Variants in ERLEC1 observed in about 807,000 individuals in gnomAD.
The protein encoded by ERLEC1 is endoplasmic reticulum lectin 1.
Under a neutral mutation model 68.0 loss-of-function variants are expected in ERLEC1, and 47 were observed. That is an observed-to-expected ratio of 0.69 (90% CI 0.55 to 0.88). ERLEC1 has a LOEUF of 0.88. Among genes scored for constraint, ERLEC1 ranks in the 40% least tolerant of loss-of-function variants. ERLEC1 has a pLI of 0.00. For missense variants in ERLEC1, 567 were observed against 583.8 expected, an observed-to-expected ratio of 0.97 and a Z score of 0.30; for synonymous variants, 225 against 203.2, an observed-to-expected ratio of 1.11 and a Z score of -0.91.
chr2:53,787,351 G>T lies in ERLEC1; in HGVS notation c.141G>T (p.Trp47Cys). Residue 47 changes from tryptophan (W) to cysteine (C), a missense_variant, in exon 1 of 14, where the codon TGG (tryptophan) becomes TGT (cysteine). By Grantham distance (215) the Trp-to-Cys change is radical. Coordinates refer to ENST00000185150, the MANE Select transcript of ERLEC1 (RefSeq NM_015701.5). ...ATGACATCCCTTTCCGAGTCAACTG[G>T]CCCGGCACCGAGTTCTCTCTGGTCA... ...LSDDIPFRVN[W>C]PGTEFSLPTT... The T allele has an allele frequency of 6.2e-7, 1 of 1,611,634 alleles. No homozygotes were observed. Among genetic ancestry groups the T allele is most frequent in the South Asian group, 1.1e-5 (1 of 91,000 alleles).
chr2:53,793,381 C>T (rs1675514414), intron 1 of ERLEC1, among the ~76,000 whole-genome samples: 1 of 152,182 alleles, frequency 6.6e-6, no homozygotes, highest in Non-Finnish European at 1.5e-5. Context: ...AAACTACAGC[C>T]ATTGCGCTGT....
At chr2:53,813,134 T>C (rs573284361) in intron 11 of ERLEC1, 61 bp downstream of exon 11, 24 of 1,559,790 alleles carry the variant, frequency 1.5e-5, no homozygotes, top group Admixed American at 6.5e-5. Flanking sequence ...ACTCAAAATA[T>C]TGAAAAACAT....
At chr2:53,794,205 T>A (rs1158864203) in intron 1 of ERLEC1, 140 bp from the exon 2 acceptor site, 4 of 517,102 alleles carry the variant, frequency 7.7e-6, no homozygotes, top group Non-Finnish European at 1.4e-5. Context: ...GTTTGTAGCA[T>A]ATTTTCCCTC....
Position 53,787,134 on chromosome 2 carries a change from T to G in ERLEC1, c.-77T>G. The G allele has an allele frequency of 9.3e-6, 6 of 648,434 alleles. No homozygotes were observed. The highest frequency in any genetic ancestry group is 1.4e-5 in the Non-Finnish European group (6 of 436,940). The allele number at this position is 648,434 out of a possible 1,614,324, so 40.2% of individuals were successfully genotyped here. A position where few individuals can be genotyped will look rare whatever the true frequency, so the allele number is the denominator to read the frequency against. On this transcript the variant is annotated 5_prime_UTR_variant, in exon 1 of 14. Transcript: ENST00000185150. ...GCTTTATAGTCCCGCCGCCTCCTCC[T>G]CCACCTCCTCCTCCTCCTCCTCTCC... is the stretch of plus-strand genomic sequence containing the variant.
chr2:53,812,836 T>C (rs977192583), intron 10 of ERLEC1, 113 bp from the exon 11 acceptor site: 1 of 1,050,998 alleles, frequency 9.5e-7, no homozygotes, highest in East Asian at 2.6e-5. Flanking sequence ...CACCTAAATA[T>C]AGATATCCAC....
intron 1 of ERLEC1, among the ~76,000 whole-genome samples, chr2:53,789,227 C>G (rs1009364775): frequency 7.9e-5 from 12 of 151,908 alleles, no homozygotes; most frequent in Admixed American, 6.6e-5. Flanking sequence ...AACCCCATCT[C>G]TACTAAAAAC....
At chr2:53,795,063 T>C (rs1205580302) in intron 2 of ERLEC1, among the ~76,000 whole-genome samples, 1 of 152,228 alleles carries the variant, frequency 6.6e-6, no homozygotes, top group Non-Finnish European at 1.5e-5. Context: ...TGTGACTTTT[T>C]AAATAAATGA....
intron 8 of ERLEC1, among the ~76,000 whole-genome samples, chr2:53,804,872 A>G (rs1307936144): frequency 6.6e-6 from 1 of 150,664 alleles, no homozygotes; most frequent in Non-Finnish European, 1.5e-5. Flanking sequence ...AATTGTTTTG[A>G]TTTTTAGATC....
At chr2:53,808,844 A>T (rs1181228439) in intron 9 of ERLEC1, among the ~76,000 whole-genome samples, 1 of 152,072 alleles carries the variant, frequency 6.6e-6, no homozygotes, top group Non-Finnish European at 1.5e-5. Context: ...ACCCAGGCTG[A>T]TCTCAAACTC....
intron 6 of ERLEC1, 95 bp downstream of exon 6, chr2:53,799,176 C>T: frequency 5.8e-6 from 6 of 1,039,128 alleles, no homozygotes; most frequent in Middle Eastern, 2.1e-4. Flanking sequence ...TCTTTATGTT[C>T]TTATTCTTCA....
intron 1 of ERLEC1, among the ~76,000 whole-genome samples, chr2:53,789,444 A>G (rs759271697): frequency 8.6e-4 from 130 of 150,910 alleles, no homozygotes; most frequent in Non-Finnish European, 1.6e-3. Context: ...GGAGTGCAGT[A>G]GGTATTTATA....
At chr2:53,795,578 G>A (rs1675649811) in intron 2 of ERLEC1, among the ~76,000 whole-genome samples, 1 of 152,168 alleles carries the variant, frequency 6.6e-6, no homozygotes, top group Non-Finnish European at 1.5e-5. Context: ...CTAAGAATTT[G>A]TTTGGGTACA....
intron 1 of ERLEC1, among the ~76,000 whole-genome samples, chr2:53,788,133 T>C (rs1156250602): frequency 6.6e-6 from 1 of 152,228 alleles, no homozygotes; most frequent in Non-Finnish European, 1.5e-5. Context: ...TGTACTCTTA[T>C]GACACTTACC....
intron 1 of ERLEC1, 44 bp downstream of exon 1, chr2:53,787,416 C>T: frequency 2.5e-6 from 4 of 1,572,810 alleles, no homozygotes; most frequent in East Asian, 2.3e-5. Flanking sequence ...CCTCCTGACA[C>T]TAAGGGTTCG....
In ERLEC1 at chr2:53,805,730, C is replaced by G. The variant is rs1014664509; in HGVS notation, c.880-2569C>G. ...TTTTTTGAGAAAGCTCCAGACTGTT[C>G]TGTATAGTGTTTGTACTAATTTACA... On this transcript the variant is annotated intron_variant, in intron 8 of 13. Transcript: ENST00000185150. 7.2e-5 allele frequency among the ~76,000 whole-genome samples: 11 copies of G among 152,210 alleles called. No individual in the cohort carries two copies. The East Asian group carries it at 1.7e-3, about 24-fold the overall frequency.
chr2:53,801,916 T>G, intron 8 of ERLEC1, 74 bp downstream of exon 8: 1 of 1,272,390 alleles, frequency 7.9e-7, no homozygotes, highest in South Asian at 1.3e-5. Context: ...AATATTTTAA[T>G]GATTTCTGTA....
chr2:53,789,446 G>A (rs368581060), intron 1 of ERLEC1, among the ~76,000 whole-genome samples: 38 of 151,546 alleles, frequency 2.5e-4, no homozygotes, highest in African/African-American at 8.5e-4. Flanking sequence ...AGTGCAGTAG[G>A]TATTTATAGG....
intron 8 of ERLEC1, among the ~76,000 whole-genome samples, chr2:53,804,761 T>G (rs1012704948): frequency 6.6e-6 from 1 of 151,798 alleles, no homozygotes; most frequent in African/African-American, 2.4e-5. Flanking sequence ...TTCTAAGAGG[T>G]TTTTTTTGTA....
chr2:53,801,935 G>T (rs148296677), intron 8 of ERLEC1, 93 bp downstream of exon 8: 10 of 1,068,274 alleles, frequency 9.4e-6, no homozygotes, highest in South Asian at 3.2e-5. Context: ...TAGTATAATG[G>T]TAGTAATTTA....
Sources: allele counts gnomAD v4.1 joint callset (sites outside exome capture counted in the v4.1 genomes callset), GRCh38; gene constraint gnomAD v4.1.1; transcripts MANE v1.5; gene names NCBI Gene and HGNC (gene_info 2026-07-23, HGNC 2026-07-21).